KALRN: variants seen among roughly 807,000 people sequenced by gnomAD.
KALRN encodes kalirin.
Under a neutral mutation model 353.7 loss-of-function variants are expected in KALRN, and 70 were observed. That is an observed-to-expected ratio of 0.20 (90% CI 0.16 to 0.24). The LOEUF is 0.24. Ranked by LOEUF, KALRN falls within the 10% of genes least tolerant of loss-of-function variation. The pLI, the probability that KALRN is intolerant of heterozygous loss-of-function variation, is 1.00. For synonymous variants in KALRN, 1,391 were observed against 1,434.8 expected, an observed-to-expected ratio of 0.97 and a Z score of 0.69; for missense variants, 2,791 against 3,756.7, an observed-to-expected ratio of 0.74 and a Z score of 6.72.
At chr3:124,130,829 T>C (rs1172441451) in intron 1 of KALRN, among the ~76,000 whole-genome samples, 1 of 152,120 alleles carries the variant, frequency 6.6e-6, no homozygotes, top group Non-Finnish European at 1.5e-5. Flanking sequence ...GGCACTCTAA[T>C]AGTATAGAAG....
At chr3:124,645,626 TTCTCTCTCTCTCTCTC>T (rs71145472) in intron 37 of KALRN, among the ~76,000 whole-genome samples, 2 of 133,436 alleles carry the variant, frequency 1.5e-5, no homozygotes, top group East Asian at 2.0e-4. Flanking sequence ...TGAATAATAT[TTCTCTCTCTCTCTCTC>T]TCTCTCTCTC....
At chr3:124,433,056 G>A (rs1156262183) in intron 16 of KALRN, among the ~76,000 whole-genome samples, 1 of 152,062 alleles carries the variant, frequency 6.6e-6, no homozygotes, top group Non-Finnish European at 1.5e-5. Context: ...CCATCAGAAG[G>A]AAAATATGCC....
At chr3:124,551,613 A>G (rs1196250365) in intron 33 of KALRN, among the ~76,000 whole-genome samples, 8 of 152,246 alleles carry the variant, frequency 5.3e-5, no homozygotes, top group African/African-American at 1.9e-4. Flanking sequence ...CAAACTAACA[A>G]GATAAACAGC....
rs67326275 is a variant in KALRN, at chr3:124,580,973, A to ATAT, written c.5182+17884_5182+17885insTAT. Among the ~76,000 whole-genome samples, 14 of 151,412 alleles carry ATAT rather than the reference A, an allele frequency of 9.2e-5. 1 individual carries two copies. Among genetic ancestry groups the ATAT allele is most frequent in the South Asian group, 2.1e-4 (1 of 4,788 alleles). ...AATAATAATAATAATAATAATAATAAAGGAAAGGAAAGGATTTCCTTGTTA... is the reference window on the plus strand; with the variant it reads ...AATAATAATAATAATAATAATAATAATATAGGAAAGGAAAGGATTTCCTTGTTA... On this transcript the variant is annotated intron_variant, in intron 34 of 59. Coordinates refer to ENST00000682506, the MANE Select transcript of KALRN (RefSeq NM_001388419.1).
chr3:124,240,646 C>T (rs537700341), intron 3 of KALRN, among the ~76,000 whole-genome samples: 24 of 152,090 alleles, frequency 1.6e-4, no homozygotes, highest in African/African-American at 5.3e-4. Flanking sequence ...CTGAATGTAC[C>T]GAGAAGCCAG....
chr3:124,599,783 C>T (rs1459728545), intron 34 of KALRN, among the ~76,000 whole-genome samples: 2 of 152,178 alleles, frequency 1.3e-5, no homozygotes, highest in Non-Finnish European at 2.9e-5. Flanking sequence ...TTTTTCCAGC[C>T]TTTCTAATTT....
At chr3:124,515,718 A>G (rs543115074) in intron 33 of KALRN, among the ~76,000 whole-genome samples, 2 of 152,364 alleles carry the variant, frequency 1.3e-5, no homozygotes, top group East Asian at 3.9e-4. Context: ...TTTCAAAAAA[A>G]AATTTAATGG....
At chr3:124,665,661 C>T (rs187723781) in intron 45 of KALRN, among the ~76,000 whole-genome samples, 14 of 152,160 alleles carry the variant, frequency 9.2e-5, no homozygotes, top group East Asian at 1.9e-4. Flanking sequence ...GATGAGGTTT[C>T]GCCATGTTGG....
In KALRN at chr3:124,315,118, C is replaced by T. The variant is rs80169229; in HGVS notation, c.1093-10862C>T. Among the ~76,000 whole-genome samples the T allele has an allele frequency of 4.9e-4, 74 of 152,310 alleles. No individual in the cohort carries two copies. In the East Asian group the frequency reaches 0.012, roughly 24 times the overall value. On this transcript the variant is annotated intron_variant, in intron 6 of 59. Transcript: ENST00000682506. ...CATTTCAACATGAGGTTTGGAGAGT[C>T]AAGTATCTAAACTACAGGAGAAGAT...
chr3:124,384,073 C>G (rs1333511644), intron 10 of KALRN, among the ~76,000 whole-genome samples: 1 of 152,186 alleles, frequency 6.6e-6, no homozygotes, highest in Non-Finnish European at 1.5e-5. Context: ...AGTAACTATT[C>G]TAAAGGCAGT....
chr3:124,664,362 T>TGCGCGCGCGCGC (rs199832527), intron 45 of KALRN, among the ~76,000 whole-genome samples: 1 of 119,960 alleles, frequency 8.3e-6, no homozygotes, highest in Non-Finnish European at 1.7e-5. Flanking sequence ...TGTGTGTGTG[T>TGCGCGCGCGCGC]GTGTGTGTGC....
chr3:124,368,550 C>G (rs1448512612), intron 10 of KALRN, among the ~76,000 whole-genome samples: 1 of 149,160 alleles, frequency 6.7e-6, no homozygotes, highest in East Asian at 2.0e-4. Flanking sequence ...GGATGGCGGC[C>G]GGGCGGAGAC....
chr3:124,204,085 A>G (rs780243929), intron 1 of KALRN, among the ~76,000 whole-genome samples: 1 of 152,096 alleles, frequency 6.6e-6, no homozygotes, highest in Non-Finnish European at 1.5e-5. Flanking sequence ...TGTAATTGCA[A>G]CCTCTTCAAA....
At chr3:124,340,871 G>T (rs1297856928) in intron 9 of KALRN, among the ~76,000 whole-genome samples, 1 of 152,106 alleles carries the variant, frequency 6.6e-6, no homozygotes, top group Non-Finnish European at 1.5e-5. Flanking sequence ...CAGGAGAATC[G>T]CTTGAACCTG....
Position 124,258,779 on chromosome 3 carries a change from A to G in KALRN, c.264-5719A>G, listed in dbSNP as rs530537827. ...TCAGAATTTCATATATGTATGAAAT[A>G]TACAATTGGCCCTCTAAATCTGCTG... On this transcript the variant is annotated intron_variant, in intron 3 of 59. Transcript: ENST00000682506. 7.9e-5 allele frequency among the ~76,000 whole-genome samples: 12 copies of G among 152,372 alleles called. No homozygotes were observed. The East Asian group carries it at 2.1e-3, about 27-fold the overall frequency.
Position 124,648,472 on chromosome 3 carries a change from G to A in KALRN, c.5665-2336G>A, listed in dbSNP as rs148134074. On this transcript the variant is annotated intron_variant, in intron 37 of 59. Transcript: ENST00000682506. ...AGCTGGATGCTCCATGGGAGTGCCCGTGGGCAGAGGTGTCTCCCTGGGAAG... is the reference window on the plus strand; with the variant it reads ...AGCTGGATGCTCCATGGGAGTGCCCATGGGCAGAGGTGTCTCCCTGGGAAG... Among the ~76,000 whole-genome samples the A allele has an allele frequency of 6.0e-3, 916 of 152,342 alleles. 4 individuals are homozygous for A. The highest frequency in any genetic ancestry group is 9.5e-3 in the Non-Finnish European group (645 of 68,036).
intron 50 of KALRN, 37 bp from the exon 51 acceptor site, chr3:124,679,421 T>G: frequency 6.3e-7 from 1 of 1,583,076 alleles, no homozygotes; most frequent in Non-Finnish European, 8.7e-7. Flanking sequence ...TCTAACTGTG[T>G]TCTCTTTCTT....
rs2072255640 is a variant in KALRN at position 124,563,016 on chromosome 3, C to T, written c.5109C>T (p.Val1703=). The T allele has an allele frequency of 7.3e-7, 1 of 1,367,764 alleles. No individual in the cohort carries two copies. Among genetic ancestry groups the T allele is most frequent in the Admixed American group, 1.9e-5 (1 of 52,578 alleles). The allele number at this position is 1,367,764 out of a possible 1,614,324, so 84.7% of individuals were successfully genotyped here. Reference sequence around the variant, plus strand: ...GGAGCCCGCCCTTGGAGGGTCTGGTCCCCAGCAGCGCCCTGTGCATCTCAC... The same window carrying T: ...GGAGCCCGCCCTTGGAGGGTCTGGTTCCCAGCAGCGCCCTGTGCATCTCAC... ...TERSPPLEGL[V]PSSALCISHS... Residue 1703 remains valine (V), a synonymous_variant, in exon 34 of 60, where the codon GTC becomes GTT. Transcript: ENST00000682506.
intron 5 of KALRN, among the ~76,000 whole-genome samples, chr3:124,297,347 T>G (rs12107411): frequency 0.27 from 40,785 of 152,172 alleles, 6,439 homozygotes; most frequent in East Asian, 0.67. Context: ...CCCAAATGGA[T>G]TGTGAGGCTT....
Sources: gnomAD v4.1 joint callset for allele counts (sites outside exome capture counted in the v4.1 genomes callset) on GRCh38, gnomAD v4.1.1 for gene constraint, MANE v1.5 for transcripts, NCBI Gene and HGNC (gene_info 2026-07-23, HGNC 2026-07-21) for gene names.